SLC26A11: variants seen among roughly 807,000 people sequenced by gnomAD.
The protein encoded by SLC26A11 is solute carrier family 26 member 11, also known as sodium-independent sulfate anion transporter.
Under a neutral mutation model 62.2 loss-of-function variants are expected in SLC26A11, and 58 were observed. The ratio of observed to expected loss-of-function variants is 0.93; its 90% confidence interval spans 0.76 to 1.16. SLC26A11 has a LOEUF of 1.16. Among genes scored for constraint, SLC26A11 ranks in the 50% most tolerant of loss-of-function variants. SLC26A11 has a pLI of 0.00. For synonymous variants in SLC26A11, 411 were observed against 368.9 expected, an observed-to-expected ratio of 1.11 and a Z score of -1.31; for missense variants, 790 against 794.3, an observed-to-expected ratio of 0.99 and a Z score of 0.06.
chr17:80,252,505 C>T lies in SLC26A11; in HGVS notation c.1730-120C>T. The T allele has an allele frequency of 1.2e-6, 1 of 825,654 alleles. No individual in the cohort carries two copies. The highest frequency in any genetic ancestry group is 1.7e-5 in the South Asian group (1 of 57,554). The allele number at this position is 825,654 out of a possible 1,614,324, so 51.1% of individuals were successfully genotyped here. Reference sequence around the variant, plus strand: ...TAGTGACACTGGCCTGGGTGGCCCACAGCTCCTTCCTGCACACCTTCCAGG... The same window carrying T: ...TAGTGACACTGGCCTGGGTGGCCCATAGCTCCTTCCTGCACACCTTCCAGG... On this transcript the variant is annotated intron_variant, in intron 17 of 17. Transcript: ENST00000361193. This position sits in a 1 kb window ranked among gnomAD's most constrained non-coding sequence, Gnocchi z 5.2.
Position 80,228,664 on chromosome 17 carries a change from A to G in SLC26A11, c.736+704A>G, listed in dbSNP as rs2042481479. Reference sequence around the variant, plus strand: ...TGCCACTAAGCCCCTGACGGCGCACAGCCTTCCACAGCAAACAGTGATCCG... The same window carrying G: ...TGCCACTAAGCCCCTGACGGCGCACGGCCTTCCACAGCAAACAGTGATCCG... On this transcript the variant is annotated intron_variant, in intron 7 of 17. Transcript: ENST00000361193. The surrounding 1 kb of genome is among the most constrained non-coding windows in gnomAD (Gnocchi z 4.1). Among the ~76,000 whole-genome samples, 1 of 152,246 alleles carries G rather than the reference A, an allele frequency of 6.6e-6. No individual in the cohort carries two copies. The highest frequency in any genetic ancestry group is 2.4e-5 in the African/African-American group (1 of 41,474).
intron 9 of SLC26A11, 24 bp downstream of exon 9, chr17:80,237,618 C>G (rs1041656865): frequency 6.2e-7 from 1 of 1,603,816 alleles, no homozygotes; most frequent in Non-Finnish European, 8.5e-7. Context: ...CACCCACACC[C>G]CAGGTCTCCC....
chr17:80,233,358 G>A (rs111349884), intron 7 of SLC26A11, among the ~76,000 whole-genome samples: 79 of 152,010 alleles, frequency 5.2e-4, no homozygotes, highest in African/African-American at 1.8e-3. Context: ...AAAGGTTCTT[G>A]GCCTCAAGTG....
chr17:80,246,365 A>T lies in SLC26A11; in HGVS notation c.1154-144A>T, dbSNP rs1037298945. ...CACAGGAGTAGGGGGACCACAGGAG[A>T]CTGAGCAGGGGCTGGGGGCCTTGGC... On this transcript the variant is annotated intron_variant, in intron 12 of 17. Coordinates refer to ENST00000361193, the MANE Select transcript of SLC26A11 (RefSeq NM_001166347.2). The surrounding 1 kb of genome is among the most constrained non-coding windows in gnomAD (Gnocchi z 4.4). 5.6e-6 allele frequency: 8 copies of T among 1,416,112 alleles called. No individual in the cohort carries two copies. In the African/African-American group the frequency reaches 9.9e-5, roughly 18 times the overall value. The allele number at this position is 1,416,112 out of a possible 1,614,324, so 87.7% of individuals were successfully genotyped here. A position where few individuals can be genotyped will look rare whatever the true frequency, so the allele number is the denominator to read the frequency against.
At chr17:80,242,103 A>G (rs1282090972) in intron 10 of SLC26A11, among the ~76,000 whole-genome samples, 2 of 152,196 alleles carry the variant, frequency 1.3e-5, no homozygotes, top group African/African-American at 4.8e-5. Flanking sequence ...CAGCCTCCCA[A>G]GTAGCTGGGA....
Position 80,228,600 on chromosome 17 carries a change from C to T in SLC26A11, c.736+640C>T, listed in dbSNP as rs369400433. Reference sequence around the variant, plus strand: ...AACATTTTTGGTGGATACCACCGGGCGAGGCAGTTGCTGGCAACTAGCGAG... The same window carrying T: ...AACATTTTTGGTGGATACCACCGGGTGAGGCAGTTGCTGGCAACTAGCGAG... On this transcript the variant is annotated intron_variant, in intron 7 of 17. Transcript: ENST00000361193. The surrounding 1 kb of genome is among the most constrained non-coding windows in gnomAD (Gnocchi z 4.1). Among the ~76,000 whole-genome samples, 16 of 152,200 alleles carry T rather than the reference C, an allele frequency of 1.1e-4. No homozygotes were observed. Among genetic ancestry groups the T allele is most frequent in the African/African-American group, 3.6e-4 (15 of 41,444 alleles).
At chr17:80,233,781 G>A (rs974141605) in intron 7 of SLC26A11, among the ~76,000 whole-genome samples, 21 of 149,772 alleles carry the variant, frequency 1.4e-4, no homozygotes, top group Middle Eastern at 3.5e-3. Flanking sequence ...GTCTTCCTAC[G>A]TTGCCCAGGC....
chr17:80,244,974 CAAAAAAAAAAA>C (rs34294039), intron 10 of SLC26A11, among the ~76,000 whole-genome samples: 2 of 67,726 alleles, frequency 3.0e-5, no homozygotes, highest in Non-Finnish European at 5.3e-5. Context: ...GACTCTGTCT[CAAAAAAAAAAA>C]AAAAAAAAAA....
chr17:80,236,879 C>G (rs375371785), intron 7 of SLC26A11, 49 bp from the exon 8 acceptor site: 152 of 1,572,328 alleles, frequency 9.7e-5, no homozygotes, highest in Non-Finnish European at 1.2e-4. Context: ...CGCGCTACCC[C>G]ACACTCGCCG....
chr17:80,223,423 T>C lies in SLC26A11; in HGVS notation c.513+86T>C. On this transcript the variant is annotated intron_variant, in intron 5 of 17. Transcript: ENST00000361193. The surrounding 1 kb of genome is among the most constrained non-coding windows in gnomAD (Gnocchi z 4.6). ...GCGGGAGCAGGACTGAGGCCAGTCCTGATCCCTGTGGCCAGTGGACGTCTT... is the reference window on the plus strand; with the variant it reads ...GCGGGAGCAGGACTGAGGCCAGTCCCGATCCCTGTGGCCAGTGGACGTCTT... The C allele has an allele frequency of 5.5e-6, 7 of 1,269,526 alleles. No homozygotes were observed. The South Asian group carries it at 7.3e-5, about 13-fold the overall frequency. 78.6% of individuals were successfully genotyped at this position (1,269,526 alleles called of 1,614,324 possible). A position where few individuals can be genotyped will look rare whatever the true frequency, so the allele number is the denominator to read the frequency against.
rs763956730 is a variant in SLC26A11 at position 80,222,881 on chromosome 17, T to C, written c.427+34T>C. 1.9e-6 allele frequency: 3 copies of C among 1,604,998 alleles called. No homozygotes were observed. Among genetic ancestry groups the C allele is most frequent in the Non-Finnish European group, 2.6e-6 (3 of 1,174,376 alleles). On this transcript the variant is annotated intron_variant, in intron 4 of 17. Transcript: ENST00000361193. The surrounding 1 kb of genome is among the most constrained non-coding windows in gnomAD (Gnocchi z 4.7). ...CTACCTTCTTGCCAAGGGGATGCCC[T>C]CGACCTCAGCATTTGCTTGTTTGCA... is the stretch of plus-strand genomic sequence containing the variant.
At chr17:80,245,836 A>G (rs1028336000) in intron 11 of SLC26A11, among the ~76,000 whole-genome samples, 5 of 152,162 alleles carry the variant, frequency 3.3e-5, no homozygotes, top group African/African-American at 1.2e-4. Context: ...GTCACCTGGC[A>G]CTGCCCAGTC....
At chr17:80,224,444 AGTGTGAGT>A (rs1255281872) in intron 5 of SLC26A11, among the ~76,000 whole-genome samples, 2 of 146,780 alleles carry the variant, frequency 1.4e-5, no homozygotes, top group East Asian at 2.0e-4. Context: ...TGGGTGTGAG[AGTGTGAGT>A]GTGAGAGTGT....
chr17:80,249,183 T>C lies in SLC26A11; in HGVS notation c.1552T>C (p.Cys518Arg), dbSNP rs780788573. ...CCCGCCACGCTGCCTGGTCCTGGAG[T>C]GCACCCATGTCTGCAGCATCGACTA... ...VSPPRCLVLE[C>R]THVCSIDYTV... is the part of the protein sequence containing the mutation. The change falls in exon 16 of 18, where the codon TGC (cysteine) becomes CGC (arginine). Residue 518 changes from cysteine to arginine, a missense_variant. Physicochemically the swap from Cys to Arg is radical, Grantham distance 180. Transcript: ENST00000361193. 4.3e-6 allele frequency: 7 copies of C among 1,609,540 alleles called. No individual in the cohort carries two copies. In the East Asian group the frequency reaches 6.7e-5, roughly 15 times the overall value.
chr17:80,225,784 A>T, intron 5 of SLC26A11, 53 bp from the exon 6 acceptor site: 1 of 1,516,142 alleles, frequency 6.6e-7, no homozygotes, highest in Non-Finnish European at 9.2e-7. Context: ...CTGGGGACAG[A>T]TGGCCTTGGT....
intron 10 of SLC26A11, among the ~76,000 whole-genome samples, chr17:80,243,420 C>T (rs967853031): frequency 2.7e-5 from 4 of 149,284 alleles, no homozygotes; most frequent in Non-Finnish European, 5.9e-5. Flanking sequence ...TTATTTGAGA[C>T]GGAATCTTCC....
intron 9 of SLC26A11, 74 bp downstream of exon 9, chr17:80,237,668 G>A (rs1248030383): frequency 1.4e-6 from 2 of 1,418,600 alleles, no homozygotes; most frequent in Non-Finnish European, 1.9e-6. Flanking sequence ...TTTCTAGCTT[G>A]CCTTTATCCG....
intron 9 of SLC26A11, among the ~76,000 whole-genome samples, chr17:80,238,689 C>G (rs1277122791): frequency 6.6e-6 from 1 of 152,144 alleles, no homozygotes; most frequent in East Asian, 1.9e-4. Context: ...AGGTTACAGC[C>G]CAGTTACCAG....
intron 10 of SLC26A11, among the ~76,000 whole-genome samples, chr17:80,244,523 G>T (rs1447770771): frequency 6.6e-6 from 1 of 152,200 alleles, no homozygotes; most frequent in Non-Finnish European, 1.5e-5. Context: ...GGTCACACAG[G>T]AGAGGCTGGG....
Sources: gnomAD v4.1 joint callset for allele counts (sites outside exome capture counted in the v4.1 genomes callset) on GRCh38, gnomAD v4.1.1 for gene constraint, Gnocchi (gnomAD v3.1) non-coding constraint, MANE v1.5 for transcripts, NCBI Gene and HGNC (gene_info 2026-07-23, HGNC 2026-07-21) for gene names.